The following ARID4A variants were observed in gnomAD, a reference collection of about 807,000 sequenced individuals.
ARID4A encodes the protein AT-rich interaction domain 4A.
In ARID4A, 39 loss-of-function variants were observed where a neutral mutation model predicts 148.6. That is an observed-to-expected ratio of 0.26 (90% CI 0.20 to 0.34). The LOEUF (loss-of-function observed/expected upper bound fraction) is 0.34, where lower values mean the gene tolerates loss of function less well. Among genes scored for constraint, ARID4A ranks in the 10% least tolerant of loss-of-function variants. The probability of loss-of-function intolerance (pLI) is 1.00; values close to 1 mark genes in which losing one functional copy is unlikely to be tolerated. For synonymous variants in ARID4A, 475 were observed against 481.2 expected, an observed-to-expected ratio of 0.99 and a Z score of 0.17; for missense variants, 1,265 against 1,449.1, an observed-to-expected ratio of 0.87 and a Z score of 2.06.
intron 1 of ARID4A, 117 bp from the exon 2 acceptor site, chr14:58,299,681 T>C: frequency 1.2e-6 from 1 of 839,916 alleles, no homozygotes; most frequent in East Asian, 2.6e-5. Context: ...AGGGGTCTTG[T>C]CCCTTGGCTG....
At chr14:58,356,381 G>A (rs1321846968) in intron 17 of ARID4A, among the ~76,000 whole-genome samples, 1 of 152,068 alleles carries the variant, frequency 6.6e-6, no homozygotes, top group African/African-American at 2.4e-5. Flanking sequence ...ACAGATTATG[G>A]GTTGCATGAG....
intron 8 of ARID4A, among the ~76,000 whole-genome samples, chr14:58,326,587 TAAAG>T (rs1188843996): frequency 6.6e-6 from 1 of 152,224 alleles, no homozygotes; most frequent in Non-Finnish European, 1.5e-5. Context: ...AAAGTTCATC[TAAAG>T]AATTTGGACA....
chr14:58,363,568 C>G (rs1029858811), intron 19 of ARID4A, among the ~76,000 whole-genome samples: 17 of 151,940 alleles, frequency 1.1e-4, no homozygotes, highest in African/African-American at 3.4e-4. Flanking sequence ...GCGTGGTGGC[C>G]TGCGCCTATC....
chr14:58,363,752 A>G (rs1355546789), intron 19 of ARID4A, among the ~76,000 whole-genome samples: 2 of 152,146 alleles, frequency 1.3e-5, no homozygotes, highest in Non-Finnish European at 2.9e-5. Context: ...TTTTAAGTAG[A>G]ATGTCATATT....
intron 14 of ARID4A, 57 bp downstream of exon 14, chr14:58,347,174 T>G: frequency 1.0e-6 from 1 of 995,714 alleles, no homozygotes; most frequent in Non-Finnish European, 1.4e-6. Context: ...TATTTTCCAT[T>G]TACTTTGTTA....
chr14:58,308,654 A>C (rs2031789376), intron 5 of ARID4A, among the ~76,000 whole-genome samples: 1 of 152,218 alleles, frequency 6.6e-6, no homozygotes, highest in Non-Finnish European at 1.5e-5. Flanking sequence ...TAAAAAAAAC[A>C]GTACAATGAA....
chr14:58,319,599 G>A (rs2140166126), intron 7 of ARID4A, among the ~76,000 whole-genome samples: 1 of 116,584 alleles, frequency 8.6e-6, no homozygotes, highest in African/African-American at 3.4e-5. Context: ...AGGCTGGAGT[G>A]CAGTGGCATG....
intron 11 of ARID4A, among the ~76,000 whole-genome samples, chr14:58,342,069 G>A (rs74618378): frequency 1.1e-3 from 168 of 152,030 alleles, no homozygotes; most frequent in Non-Finnish European, 1.9e-3. Context: ...CAAAAGTCAC[G>A]AAGGCACATT....
intron 14 of ARID4A, 71 bp downstream of exon 14, chr14:58,347,188 A>G (rs2034415319): frequency 3.8e-6 from 3 of 779,550 alleles, no homozygotes; most frequent in Non-Finnish European, 5.7e-6. Context: ...TTTGTTAACA[A>G]GAATACATCA....
At chr14:58,370,978 G>T (rs954489052) in intron 23 of ARID4A, among the ~76,000 whole-genome samples, 2 of 152,068 alleles carry the variant, frequency 1.3e-5, no homozygotes, top group African/African-American at 4.8e-5. Flanking sequence ...TGAGATTTGA[G>T]TGATTTGTAG....
intron 7 of ARID4A, among the ~76,000 whole-genome samples, chr14:58,321,030 C>A (rs185025642): frequency 6.6e-6 from 1 of 152,110 alleles, no homozygotes; most frequent in East Asian, 1.9e-4. Context: ...GATGTTGTGT[C>A]CTGAAGGAAA....
intron 5 of ARID4A, among the ~76,000 whole-genome samples, chr14:58,306,982 TTATTG>T (rs1232339375): frequency 6.6e-5 from 10 of 152,204 alleles, no homozygotes; most frequent in African/African-American, 2.4e-4. Flanking sequence ...TTAGATAACT[TTATTG>T]TATTAATAGT....
At position 58,373,046 on chromosome 14, in the gene ARID4A, A is replaced by G. The variant is rs1013928342; in HGVS notation, c.*1057A>G. 3 of 199,682 alleles carry G rather than the reference A, an allele frequency of 1.5e-5. No individual in the cohort carries two copies. Among genetic ancestry groups the G allele is most frequent in the African/African-American group, 4.6e-5 (2 of 43,466 alleles). 12.4% of individuals were successfully genotyped at this position (199,682 alleles called of 1,614,324 possible). Reference sequence around the variant, plus strand: ...GGGAGTCTGTCTCAGTCCATCAAACAGTATAGAACTATAAATGGGCATCTG... The same window carrying G: ...GGGAGTCTGTCTCAGTCCATCAAACGGTATAGAACTATAAATGGGCATCTG... On this transcript the variant is annotated 3_prime_UTR_variant, in exon 24 of 24. Coordinates refer to ENST00000355431, the MANE Select transcript of ARID4A (RefSeq NM_002892.4).
chr14:58,338,852 AC>A (rs1433709975), intron 11 of ARID4A, among the ~76,000 whole-genome samples: 1 of 151,786 alleles, frequency 6.6e-6, no homozygotes, highest in Non-Finnish European at 1.5e-5. Flanking sequence ...ACATTATTGC[AC>A]AAAAAAAAGT....
At chr14:58,322,869 G>T (rs1315969776) in intron 7 of ARID4A, among the ~76,000 whole-genome samples, 2 of 147,706 alleles carry the variant, frequency 1.4e-5, no homozygotes, top group African/African-American at 5.0e-5. Context: ...GGCTGAGGCA[G>T]GAGAATCTCT....
chr14:58,316,334 T>C (rs2032411013), intron 5 of ARID4A, among the ~76,000 whole-genome samples: 1 of 152,188 alleles, frequency 6.6e-6, no homozygotes, highest in African/African-American at 2.4e-5. Flanking sequence ...GGATGTTAAG[T>C]GTCTGAAGTA....
At chr14:58,321,014 A>T (rs757741548) in intron 7 of ARID4A, among the ~76,000 whole-genome samples, 1 of 152,176 alleles carries the variant, frequency 6.6e-6, no homozygotes, top group Admixed American at 6.5e-5. Context: ...ATTATACTCC[A>T]TAAGTGATGT....
In ARID4A at chr14:58,318,562, C is replaced by A; in HGVS notation, c.295C>A (p.Arg99=). 6.2e-7 allele frequency: 1 copy of A among 1,614,012 alleles called. No homozygotes were observed. Among genetic ancestry groups the A allele is most frequent in the Non-Finnish European group, 8.5e-7 (1 of 1,179,990 alleles). ...TATAGTGTTTGATGATGGTGATGAG[C>A]GAACATTGAGACGTACCTCACTTTG... ...YTVVFDDGDE[R]TLRRTSLCLK... is the part of the protein sequence containing the mutation. The change falls in exon 6 of 24, where the codon CGA becomes AGA. Residue 99 remains arginine (R), a synonymous_variant. Transcript: ENST00000355431.
chr14:58,330,122 A>G lies in ARID4A; in HGVS notation c.859A>G (p.Asn287Asp). ...SDDEDGPAEE[N>D]DEEKEKEAKK... ...TGATGAAGATGGCCCAGCTGAAGAA[A>G]ATGATGAAGAGAAGGAAAAGGAGGC... is the stretch of plus-strand genomic sequence containing the variant. The change falls in exon 11 of 24, where the codon AAT (asparagine) becomes GAT (aspartate). Residue 287 changes from asparagine (N) to aspartate (D), a missense_variant. Asn to Asp is a conservative substitution (Grantham distance 23). Around this residue, in one of 9 missense-constraint regions of ARID4A, gnomAD observed 249 missense variants for 277.2 expected, o/e 0.90. Transcript: ENST00000355431. 1 of 1,613,382 alleles carries G rather than the reference A, an allele frequency of 6.2e-7. No individual in the cohort carries two copies. Among genetic ancestry groups the G allele is most frequent in the South Asian group, 1.1e-5 (1 of 90,924 alleles).
Sources: gnomAD v4.1 joint callset for allele counts (sites outside exome capture counted in the v4.1 genomes callset) on GRCh38, gnomAD v4.1.1 for gene constraint, gnomAD v4.1.1 regional missense constraint, MANE v1.5 for transcripts, NCBI Gene and HGNC (gene_info 2026-07-23, HGNC 2026-07-21) for gene names.